DNAH6: variants seen among roughly 807,000 people sequenced by gnomAD.
The protein encoded by DNAH6 is axonemal beta dynein heavy chain 6.
A neutral mutation model predicts 491.4 loss-of-function variants in DNAH6; 340 were observed. The ratio of observed to expected loss-of-function variants is 0.69; its 90% confidence interval spans 0.63 to 0.76. The LOEUF (loss-of-function observed/expected upper bound fraction) is 0.76, where lower values mean the gene tolerates loss of function less well. Among genes scored for constraint, DNAH6 ranks in the 30% least tolerant of loss-of-function variants. The pLI is 0.00. For missense variants in DNAH6, 4,443 were observed against 4,972.2 expected, an observed-to-expected ratio of 0.89 and a Z score of 3.20; for synonymous variants, 1,603 against 1,686.1, an observed-to-expected ratio of 0.95 and a Z score of 1.21.
In DNAH6 at chr2:84,694,253, G is replaced by T; in HGVS notation, c.7297G>T (p.Ala2433Ser). Residue 2433 changes from alanine (A) to serine (S), a missense_variant, in exon 46 of 77, where the codon GCT (alanine) becomes TCT (serine). Ala to Ser is a moderately conservative substitution (Grantham distance 99). This residue lies in a region of DNAH6 where 2,977 missense variants were observed against 3,296.6 expected (regional missense o/e 0.90). Coordinates refer to ENST00000389394, the MANE Select transcript of DNAH6 (RefSeq NM_001370.2). ...CCTCTGCTCTGATGTTTGCAGGATTGCTCGGATGATACGTCAAGAAAGAGG... is the reference window on the plus strand; with the variant it reads ...CCTCTGCTCTGATGTTTGCAGGATTTCTCGGATGATACGTCAAGAAAGAGG... Reference protein sequence around the residue: ...QDAIEHVSRIARMIRQERGNA... With the variant: ...QDAIEHVSRISRMIRQERGNA... 1 of 1,551,768 alleles carries T rather than the reference G, an allele frequency of 6.4e-7. No homozygotes were observed. Among genetic ancestry groups the T allele is most frequent in the Non-Finnish European group, 8.7e-7 (1 of 1,146,868 alleles).
At chr2:84,710,893 T>G (rs1170951875) in intron 56 of DNAH6, among the ~76,000 whole-genome samples, 1 of 151,512 alleles carries the variant, frequency 6.6e-6, no homozygotes, top group African/African-American at 2.4e-5. Flanking sequence ...GGGAGGGCAG[T>G]GTTGTTTGTT....
At chr2:84,726,553 A>G (rs1271980814) in intron 60 of DNAH6, among the ~76,000 whole-genome samples, 2 of 152,212 alleles carry the variant, frequency 1.3e-5, no homozygotes, top group East Asian at 1.9e-4. Flanking sequence ...CAAACACTGC[A>G]TGTTCTCACT....
chr2:84,727,851 A>G lies in DNAH6; in HGVS notation c.10155A>G (p.Leu3385=). Residue 3385 remains leucine (L), a synonymous_variant, in exon 61 of 77, where the codon CTA becomes CTG. Transcript: ENST00000389394. ...CVEMMRQQGT[L]SDAEWNFFLR... ...AGATGATGCGTCAGCAAGGAACCCT[A>G]TCTGATGCTGAATGGAATTTCTTTC... is the stretch of plus-strand genomic sequence containing the variant. 12 of 1,552,166 alleles carry G rather than the reference A, an allele frequency of 7.7e-6. No individual in the cohort carries two copies. Among genetic ancestry groups the G allele is most frequent in the Non-Finnish European group, 1.0e-5 (12 of 1,147,034 alleles).
rs1558809060 is a variant in DNAH6, at chr2:84,621,224, A to G, written c.3826A>G (p.Asn1276Asp). ...SLGKGLKARGNVEEWLGKVEE... is the reference protein window; with the variant it reads ...SLGKGLKARGDVEEWLGKVEE... ...GGGGAAAGGCCTCAAGGCCCGAGGC[A>G]ATGTAGAGGAATGGCTTGGTAAAGT... The change falls in exon 25 of 77, where the codon AAT becomes GAT. Residue 1276 changes from asparagine to aspartate, a missense_variant. Coordinates refer to ENST00000389394, the MANE Select transcript of DNAH6 (RefSeq NM_001370.2). The G allele has an allele frequency of 6.4e-7, 1 of 1,551,634 alleles. No individual in the cohort carries two copies. The highest frequency in any genetic ancestry group is 8.7e-7 in the Non-Finnish European group (1 of 1,146,890).
intron 64 of DNAH6, among the ~76,000 whole-genome samples, chr2:84,770,516 G>T (rs1485375650): frequency 6.6e-6 from 1 of 151,948 alleles, no homozygotes. Context: ...CAATGAGATA[G>T]AATTTATTAA....
chr2:84,614,923 C>A (rs190966683), intron 22 of DNAH6, among the ~76,000 whole-genome samples: 1 of 152,022 alleles, frequency 6.6e-6, no homozygotes, highest in East Asian at 1.9e-4. Context: ...GGCTATTAGT[C>A]CTTTGCCAGA....
the DNAH6 span, among the ~76,000 whole-genome samples, chr2:84,474,573 A>G: frequency 6.6e-6 from 1 of 152,254 alleles, no homozygotes; most frequent in East Asian, 1.9e-4. Context: ...GTCTACTATT[A>G]CTACTATATT....
Position 84,713,132 on chromosome 2 carries a change from T to TTTTGAATGGGTTTGAATGGGATAAAAA in DNAH6, c.9422_9423insTGGGTTTGAATGGGATAAAAATTTGAA (p.Leu3140_Lys3141insAsnGlyPheGluTrpAspLysAsnLeu), listed in dbSNP as rs1697209962. 5 of 1,551,772 alleles carry TTTTGAATGGGTTTGAATGGGATAAAAA rather than the reference T, an allele frequency of 3.2e-6. No homozygotes were observed. In the East Asian group the frequency reaches 1.2e-4, roughly 38 times the overall value. On this transcript the variant is annotated inframe_insertion, in exon 57 of 77. Transcript: ENST00000389394. ...TTGGATCCAGCTCTAGAACCCATTC[T>TTTTGAATGGGTTTGAATGGGATAAAAA]TTTGAAACAAATTTTTATCAGTGGT...
Position 84,796,358 on chromosome 2 carries a change from T to C in DNAH6, c.11292T>C (p.Leu3764=). Residue 3764 remains leucine, a synonymous_variant, in exon 69 of 77, where the codon CTT becomes CTC. Transcript: ENST00000389394. The part of the protein sequence containing the change: ...RVTDSWDQRC[L]RTILKRFFSP... ...CAGACAGCTGGGACCAAAGATGCCT[T>C]CGTACTATCTTGAAAAGATTTTTTT... 6.6e-7 allele frequency: 1 copy of C among 1,526,298 alleles called. No homozygotes were observed. Among genetic ancestry groups the C allele is most frequent in the Non-Finnish European group, 8.8e-7 (1 of 1,130,574 alleles). The allele number at this position is 1,526,298 out of a possible 1,614,324, so 94.5% of individuals were successfully genotyped here.
At chr2:84,577,232 G>A (rs1236726378) in intron 12 of DNAH6, 25 bp from the exon 13 acceptor site, 2 of 1,452,060 alleles carry the variant, frequency 1.4e-6, no homozygotes, top group East Asian at 4.7e-5. Context: ...TATATTTTAT[G>A]CTTTATGTGA....
chr2:84,461,876 T>G, the DNAH6 span, among the ~76,000 whole-genome samples: 6 of 152,128 alleles, frequency 3.9e-5, no homozygotes, highest in Non-Finnish European at 7.3e-5. Context: ...CTCTCTGAAG[T>G]TTGATAGGAA....
At chr2:84,684,556 G>A (rs867304022) in intron 42 of DNAH6, among the ~76,000 whole-genome samples, 1 of 152,132 alleles carries the variant, frequency 6.6e-6, no homozygotes, top group Non-Finnish European at 1.5e-5. Flanking sequence ...ACACCAATGT[G>A]AGATGCAAAA....
chr2:84,554,326 T>C (rs1679812169), intron 10 of DNAH6, among the ~76,000 whole-genome samples: 1 of 152,172 alleles, frequency 6.6e-6, no homozygotes, highest in Non-Finnish European at 1.5e-5. Context: ...CCCATCATAT[T>C]CACAATTCCC....
At chr2:84,524,670 C>T (rs1005194942) in intron 2 of DNAH6, among the ~76,000 whole-genome samples, 1 of 151,918 alleles carries the variant, frequency 6.6e-6, no homozygotes, top group Non-Finnish European at 1.5e-5. Context: ...ATTTGTTTTC[C>T]TTATTAATTT....
rs1676228654 is a variant in DNAH6, at chr2:84,522,298, T to C, written c.226-3267T>C. On this transcript the variant is annotated intron_variant, in intron 2 of 76. Coordinates refer to ENST00000389394, the MANE Select transcript of DNAH6 (RefSeq NM_001370.2). ...CTTGACTGCTGTTGGTGTACAGGAA[T>C]GCTAGTAATTTTGGTACATTAATTT... Among the ~76,000 whole-genome samples the C allele has an allele frequency of 2.6e-5, 4 of 152,104 alleles. No homozygotes were observed. The South Asian group carries it at 8.3e-4, about 32-fold the overall frequency.
At position 84,785,766 on chromosome 2, in the gene DNAH6, A is replaced by T. The variant is rs1677117044; in HGVS notation, c.11100+10A>T. ...CCATGCAATTATTCAGGTACACTCA[A>T]CTCTGCTTTTCAATAGCAACAAGGA... is the stretch of plus-strand genomic sequence containing the variant. On this transcript the variant is annotated intron_variant, in intron 67 of 76. Coordinates refer to ENST00000389394, the MANE Select transcript of DNAH6 (RefSeq NM_001370.2). 1 of 1,513,308 alleles carries T rather than the reference A, an allele frequency of 6.6e-7. No individual in the cohort carries two copies. Among genetic ancestry groups the T allele is most frequent in the Non-Finnish European group, 8.8e-7 (1 of 1,131,904 alleles). The allele number at this position is 1,513,308 out of a possible 1,614,324, so 93.7% of individuals were successfully genotyped here. A position where few individuals can be genotyped will look rare whatever the true frequency, so the allele number is the denominator to read the frequency against.
chr2:84,807,189 G>C (rs1282469678), intron 71 of DNAH6, among the ~76,000 whole-genome samples: 1 of 152,026 alleles, frequency 6.6e-6, no homozygotes, highest in African/African-American at 2.4e-5. Flanking sequence ...GGAAAGAGAA[G>C]ACCAGGGACA....
chr2:84,681,597 A>C, intron 42 of DNAH6, 69 bp downstream of exon 42: 45 of 1,369,196 alleles, frequency 3.3e-5, no homozygotes, highest in Non-Finnish European at 4.2e-5. Flanking sequence ...CAAATATCTC[A>C]GTAACATTGT....
intron 68 of DNAH6, 105 bp downstream of exon 68, chr2:84,787,407 G>A (rs1677310503): frequency 1.2e-6 from 1 of 805,252 alleles, no homozygotes; most frequent in Non-Finnish European, 1.9e-6. Context: ...AGTGTTTAAT[G>A]GTGGTGATGA....
Sources: gnomAD v4.1 joint callset for allele counts (sites outside exome capture counted in the v4.1 genomes callset) on GRCh38, gnomAD v4.1.1 for gene constraint, gnomAD v4.1.1 regional missense constraint, MANE v1.5 for transcripts, NCBI Gene and HGNC (gene_info 2026-07-23, HGNC 2026-07-21) for gene names.